Variants in CTNNA3 observed in about 807,000 individuals in gnomAD.
CTNNA3 encodes the protein catenin alpha-3.
A neutral mutation model predicts 95.7 loss-of-function variants in CTNNA3; 76 were observed. That is an observed-to-expected ratio of 0.79 (90% CI 0.66 to 0.96). The LOEUF (loss-of-function observed/expected upper bound fraction) is 0.96. Ranked by LOEUF, CTNNA3 falls within the 40% of genes least tolerant of loss-of-function variation. The probability of loss-of-function intolerance (pLI) is 0.00; values close to 1 mark genes in which losing one functional copy is unlikely to be tolerated. For missense variants in CTNNA3, 1,191 were observed against 1,089.8 expected, an observed-to-expected ratio of 1.09 and a Z score of -1.31; for synonymous variants, 431 against 374.4, an observed-to-expected ratio of 1.15 and a Z score of -1.74.
intron 9 of CTNNA3, among the ~76,000 whole-genome samples, chr10:66,720,411 T>C (rs916290908): frequency 2.0e-5 from 3 of 152,206 alleles, no homozygotes; most frequent in Non-Finnish European, 2.9e-5. Context: ...TTGCAACAAG[T>C]TGATAGGGCC....
intron 12 of CTNNA3, among the ~76,000 whole-genome samples, chr10:66,294,913 A>AGAGAGAGAGAGAGAGGGG (rs58983331): frequency 4.0e-5 from 6 of 148,740 alleles, no homozygotes; most frequent in African/African-American, 1.5e-4. Context: ...AGAGAGAGAG[A>AGAGAGAGAGAGAGAGGGG]GGGATTTGGT....
At chr10:67,133,376 T>TACAC (rs1429660924) in intron 7 of CTNNA3, among the ~76,000 whole-genome samples, 18 of 133,376 alleles carry the variant, frequency 1.3e-4, no homozygotes, top group African/African-American at 5.3e-4. Context: ...CATATATATA[T>TACAC]ATACACACAC....
At chr10:67,197,898 G>A (rs1243839499) in intron 6 of CTNNA3, among the ~76,000 whole-genome samples, 1 of 151,978 alleles carries the variant, frequency 6.6e-6, no homozygotes, top group African/African-American at 2.4e-5. Flanking sequence ...CATCATTTTG[G>A]AGTCTACATA....
intron 7 of CTNNA3, among the ~76,000 whole-genome samples, chr10:66,860,853 C>T (rs1320628161): frequency 6.6e-6 from 1 of 152,156 alleles, no homozygotes; most frequent in Non-Finnish European, 1.5e-5. Context: ...AATGTAACCA[C>T]ATTGTAAACC....
At chr10:67,307,458 GATTA>G (rs1026669378) in intron 5 of CTNNA3, among the ~76,000 whole-genome samples, 5 of 151,984 alleles carry the variant, frequency 3.3e-5, no homozygotes, top group East Asian at 1.9e-4. Context: ...ACATGCTACT[GATTA>G]ATTGTTTGTT....
At chr10:66,944,210 T>TATGAA (rs1564785444) in intron 7 of CTNNA3, among the ~76,000 whole-genome samples, 1 of 152,232 alleles carries the variant, frequency 6.6e-6, no homozygotes, top group Non-Finnish European at 1.5e-5. Context: ...TTTATAAGTT[T>TATGAA]ATGAAATATT....
intron 1 of CTNNA3, among the ~76,000 whole-genome samples, chr10:67,692,473 A>G (rs1376326923): frequency 9.0e-5 from 12 of 133,014 alleles, no homozygotes; most frequent in East Asian, 2.1e-4. Flanking sequence ...CATGTGCTGT[A>G]TCCACTCAGG....
Position 67,741,593 on chromosome 10 carries a change from G to A in CTNNA3, c.-2+21841C>T, listed in dbSNP as rs369410780. Among the ~76,000 whole-genome samples, 14 of 151,156 alleles carry A rather than the reference G, an allele frequency of 9.3e-5. No homozygotes were observed. The East Asian group carries it at 1.5e-3, about 17-fold the overall frequency. On this transcript the variant is annotated intron_variant, in intron 1 of 17. Coordinates refer to the CTNNA3 transcript ENST00000684154. ...ACCATCGAGGCTAGGAAGAAACTGC[G>A]TCAACTAATGAGCAAAATAACCAGC... is the stretch of plus-strand genomic sequence containing the variant.
intron 1 of CTNNA3, among the ~76,000 whole-genome samples, chr10:67,662,996 C>T (rs567607422): frequency 2.0e-5 from 3 of 152,286 alleles, no homozygotes; most frequent in East Asian, 3.9e-4. Flanking sequence ...GCTCCAGGAG[C>T]TCTTCCTTAA....
chr10:66,671,520 G>A (rs1846660582), intron 9 of CTNNA3, among the ~76,000 whole-genome samples: 1 of 152,104 alleles, frequency 6.6e-6, no homozygotes, highest in Non-Finnish European at 1.5e-5. Context: ...GAACATATTT[G>A]AAAGAATGAA....
At chr10:66,323,742 C>T (rs1414092074) in intron 12 of CTNNA3, among the ~76,000 whole-genome samples, 6 of 151,852 alleles carry the variant, frequency 4.0e-5, no homozygotes, top group African/African-American at 1.5e-4. Flanking sequence ...TAAATGAGAA[C>T]AGGCATTTCT....
chr10:66,799,059 C>G (rs758109345), intron 7 of CTNNA3, among the ~76,000 whole-genome samples: 4 of 151,580 alleles, frequency 2.6e-5, no homozygotes, highest in Non-Finnish European at 4.4e-5. Context: ...TTAAAAATTA[C>G]AAATGGGACC....
chr10:67,163,730 A>G (rs1194881818), intron 7 of CTNNA3, among the ~76,000 whole-genome samples: 2 of 152,026 alleles, frequency 1.3e-5, no homozygotes, highest in Non-Finnish European at 2.9e-5. Flanking sequence ...GAAAATCCCA[A>G]GGAATCCACC....
intron 3 of CTNNA3, among the ~76,000 whole-genome samples, chr10:67,548,328 C>T (rs1840910527): frequency 6.6e-6 from 1 of 152,168 alleles, no homozygotes; most frequent in Non-Finnish European, 1.5e-5. Context: ...AACCATAAGC[C>T]AATTAAATCT....
chr10:66,786,895 C>A (rs1395080305), intron 7 of CTNNA3, among the ~76,000 whole-genome samples: 1 of 152,088 alleles, frequency 6.6e-6, no homozygotes, highest in African/African-American at 2.4e-5. Flanking sequence ...AAAAGGAGGA[C>A]AACCTAAGGG....
At chr10:66,719,637 T>A (rs1848563170) in intron 9 of CTNNA3, among the ~76,000 whole-genome samples, 1 of 152,098 alleles carries the variant, frequency 6.6e-6, no homozygotes, top group South Asian at 2.1e-4. Context: ...AGCACGATCA[T>A]CTCAGAATAT....
intron 1 of CTNNA3, among the ~76,000 whole-genome samples, chr10:67,703,208 C>T (rs1311558047): frequency 1.3e-5 from 2 of 152,162 alleles, no homozygotes; most frequent in African/African-American, 4.8e-5. Flanking sequence ...CAAACAGGAG[C>T]TGGTACCATT....
intron 11 of CTNNA3, among the ~76,000 whole-genome samples, chr10:66,472,143 G>A (rs1839159321): frequency 6.6e-6 from 1 of 151,910 alleles, no homozygotes; most frequent in Non-Finnish European, 1.5e-5. Flanking sequence ...ACACATCATA[G>A]AAGCTTGAAA....
At chr10:66,453,371 A>C (rs186710218) in intron 11 of CTNNA3, among the ~76,000 whole-genome samples, 1 of 152,238 alleles carries the variant, frequency 6.6e-6, no homozygotes, top group Admixed American at 6.5e-5. Flanking sequence ...GGCAGCAGAC[A>C]AGATAAACCC....
Sources: allele counts gnomAD v4.1 joint callset (sites outside exome capture counted in the v4.1 genomes callset), GRCh38; gene constraint gnomAD v4.1.1; transcripts MANE v1.5; gene names NCBI Gene and HGNC (gene_info 2026-07-23, HGNC 2026-07-21).